The following MYBPC1 variants were observed in gnomAD, a reference collection of about 807,000 sequenced individuals.
MYBPC1 encodes the protein myosin binding protein C1.
Under a neutral mutation model 147.1 loss-of-function variants are expected in MYBPC1, and 52 were observed. The ratio of observed to expected loss-of-function variants is 0.35; its 90% CI spans 0.28 to 0.45. The LOEUF (loss-of-function observed/expected upper bound fraction) is 0.45, where lower values mean the gene tolerates loss of function less well. MYBPC1 is among the 20% of genes least tolerant of loss of function. The pLI is 1.00. For synonymous variants in MYBPC1, 477 were observed against 475.9 expected (o/e 1.00, Z -0.03); for missense variants, 1,228 against 1,440.3 (o/e 0.85, Z 2.39).
At chr12:101,600,113 C>T (rs963141838) in intron 1 of MYBPC1, among the ~76,000 whole-genome samples, 3 of 152,158 alleles carry the variant, frequency 2.0e-5, no homozygotes, top group Non-Finnish European at 4.4e-5. Context: ...TAAAGAAATT[C>T]CCTCTTGTTC....
rs1270908468 is a variant in MYBPC1 at position 101,609,380 on chromosome 12, C to T, written c.26-5116C>T. Reference sequence around the variant, plus strand: ...AATCTTGACTCACTGCAGCCTCCACCTCCTGGGCTTAAGTGATCCTCCCAC... The same window carrying T: ...AATCTTGACTCACTGCAGCCTCCACTTCCTGGGCTTAAGTGATCCTCCCAC... On this transcript the variant is annotated intron_variant, in intron 1 of 31. Transcript: ENST00000361466. 2.6e-5 allele frequency among the ~76,000 whole-genome samples: 4 copies of T among 152,046 alleles called. No individual in the cohort carries two copies. The East Asian group carries it at 7.7e-4, about 29-fold the overall frequency.
intron 3 of MYBPC1, among the ~76,000 whole-genome samples, chr12:101,622,076 G>C (rs1887553212): frequency 1.3e-5 from 2 of 152,142 alleles, no homozygotes; most frequent in Admixed American, 1.3e-4. Context: ...TGGTTTCCCT[G>C]TATGTCATAT....
intron 1 of MYBPC1, among the ~76,000 whole-genome samples, chr12:101,605,576 A>T (rs1263785921): frequency 6.6e-6 from 1 of 152,186 alleles, no homozygotes; most frequent in African/African-American, 2.4e-5. Flanking sequence ...AAAAATTAAA[A>T]TTGGTTGGGC....
At position 101,662,438 on chromosome 12, in the gene MYBPC1, G is replaced by A. The variant is rs1565980420; in HGVS notation, c.2113G>A (p.Glu705Lys). 3.1e-6 allele frequency: 5 copies of A among 1,614,110 alleles called. No homozygotes were observed. Among genetic ancestry groups the A allele is most frequent in the Middle Eastern group, 1.6e-4 (1 of 6,084 alleles). The change falls in exon 21 of 32, where the codon GAG becomes AAG. Residue 705 changes from glutamate to lysine, a missense_variant. Transcript: ENST00000361466. Reference protein sequence around the residue: ...NFDLCKETTFEPKKMIEGVAY... With the variant: ...NFDLCKETTFKPKKMIEGVAY... ...TGATCTCTGCAAAGAAACAACTTTT[G>A]AGCCCAAGAAGATGATTGAAGGTGT...
At chr12:101,642,332 A>T (rs1420889440) in intron 10 of MYBPC1, 87 bp from the exon 11 acceptor site, 10 of 1,405,738 alleles carry the variant, frequency 7.1e-6, no homozygotes, top group African/African-American at 4.2e-5. Context: ...TTTACACTGA[A>T]CTGAAAAAGC....
intron 3 of MYBPC1, 148 bp from the exon 4 acceptor site, chr12:101,626,724 T>C: frequency 2.7e-6 from 2 of 735,718 alleles, no homozygotes; most frequent in Non-Finnish European, 4.8e-6. Flanking sequence ...CAGGTTTCAC[T>C]TTTCAGGTAC....
intron 1 of MYBPC1, among the ~76,000 whole-genome samples, chr12:101,604,156 A>G (rs1362271051): frequency 1.3e-5 from 2 of 152,168 alleles, no homozygotes; most frequent in African/African-American, 2.4e-5. Flanking sequence ...GATCTTAGCA[A>G]TTTTCCCCCA....
chr12:101,641,828 A>ATTT (rs62676162), intron 10 of MYBPC1, among the ~76,000 whole-genome samples: 5,938 of 149,810 alleles, frequency 0.04, 185 homozygotes, highest in South Asian at 0.14. Flanking sequence ...GGCAGTTTCA[A>ATTT]TTTTTTTTTT....
chr12:101,611,582 A>G (rs1024417097), intron 1 of MYBPC1, among the ~76,000 whole-genome samples: 3 of 152,192 alleles, frequency 2.0e-5, no homozygotes, highest in Non-Finnish European at 4.4e-5. Context: ...TCAATTCTCT[A>G]TGCATTTAAT....
At chr12:101,667,200 C>A (rs1004854708) in intron 22 of MYBPC1, among the ~76,000 whole-genome samples, 3 of 152,168 alleles carry the variant, frequency 2.0e-5, no homozygotes, top group Non-Finnish European at 4.4e-5. Context: ...GTGAAATAAG[C>A]TTTTTCTCTT....
chr12:101,667,698 C>A (rs1244290470), intron 22 of MYBPC1, 34 bp from the exon 23 acceptor site: 2 of 1,612,542 alleles, frequency 1.2e-6, no homozygotes, highest in Non-Finnish European at 1.7e-6. Flanking sequence ...AAACAGCATT[C>A]CTCCTTCTTT....
Position 101,665,544 on chromosome 12 carries a change from C to A in MYBPC1, c.2356+1984C>A, listed in dbSNP as rs575461846. 2.6e-5 allele frequency among the ~76,000 whole-genome samples: 4 copies of A among 152,158 alleles called. No homozygotes were observed. The East Asian group carries it at 5.8e-4, about 22-fold the overall frequency. On this transcript the variant is annotated intron_variant, in intron 22 of 31. Coordinates refer to ENST00000361466, the MANE Select transcript of MYBPC1 (RefSeq NM_002465.4). ...TTTACTCTTCTTTGTTTTCTTTCTG[C>A]ACTCTAGTTTTTTCTTTCCTTTCTT...
chr12:101,668,119 T>C (rs1270518486), intron 23 of MYBPC1, among the ~76,000 whole-genome samples: 1 of 152,130 alleles, frequency 6.6e-6, no homozygotes, highest in Non-Finnish European at 1.5e-5. Flanking sequence ...TGAGGACCAG[T>C]TAGTTAACCT....
In MYBPC1 at chr12:101,685,719, C is replaced by A; in HGVS notation, c.*157C>A. 1 of 1,386,186 alleles carries A rather than the reference C, an allele frequency of 7.2e-7. No individual in the cohort carries two copies. Among genetic ancestry groups the A allele is most frequent in the Non-Finnish European group, 9.8e-7 (1 of 1,024,352 alleles). 85.9% of individuals were successfully genotyped at this position (1,386,186 alleles called of 1,614,324 possible). A position where few individuals can be genotyped will look rare whatever the true frequency, so the allele number is the denominator to read the frequency against. ...GCTACTGTCTCTCTGCACTCTGCTG[C>A]TTTGAAATCTGGTTGAAATGAGAAA... On this transcript the variant is annotated 3_prime_UTR_variant, in exon 32 of 32. Transcript: ENST00000361466.
chr12:101,680,417 A>C lies in MYBPC1; in HGVS notation c.3321A>C (p.Gly1107=). 6.2e-7 allele frequency: 1 copy of C among 1,614,078 alleles called. No homozygotes were observed. The highest frequency in any genetic ancestry group is 8.5e-7 in the Non-Finnish European group (1 of 1,179,966). Residue 1107 remains glycine (G), a synonymous_variant, in exon 29 of 32, where the codon GGA becomes GGC. Coordinates refer to ENST00000361466, the MANE Select transcript of MYBPC1 (RefSeq NM_002465.4). ...GATACAGGATGTTCAGCAACCAGGG[A>C]GTCTGTACCCTGGAAATTCGCAAGC... is the stretch of plus-strand genomic sequence containing the variant. ...DPRYRMFSNQ[G]VCTLEIRKPS...
chr12:101,665,428 G>T lies in MYBPC1; in HGVS notation c.2356+1868G>T, dbSNP rs193113857. 3.3e-5 allele frequency among the ~76,000 whole-genome samples: 5 copies of T among 152,214 alleles called. No individual in the cohort carries two copies. The East Asian group carries it at 9.6e-4, about 29-fold the overall frequency. On this transcript the variant is annotated intron_variant, in intron 22 of 31. Coordinates refer to ENST00000361466, the MANE Select transcript of MYBPC1 (RefSeq NM_002465.4). ...AGACATCAGGTTTTATTCTGTAAGA[G>T]AATTCTTTGTTTTGTAAGATCGTGT...
intron 1 of MYBPC1, among the ~76,000 whole-genome samples, chr12:101,595,628 C>T (rs1483109705): frequency 6.6e-6 from 1 of 151,516 alleles, no homozygotes. Flanking sequence ...CTTATCAGTG[C>T]CTTTGGAGGT....
intron 23 of MYBPC1, chr12:101,669,951 A>AAAAAAACTAT: frequency 5.8e-6 from 2 of 343,372 alleles, no homozygotes; most frequent in Non-Finnish European, 1.1e-5. Flanking sequence ...AAAAAAAAAA[A>AAAAAAACTAT]GAAACTATGA....
chr12:101,671,579 C>G (rs1476751516), intron 24 of MYBPC1, among the ~76,000 whole-genome samples: 1 of 152,198 alleles, frequency 6.6e-6, no homozygotes, highest in East Asian at 1.9e-4. Flanking sequence ...TGGCAAGGTT[C>G]TTCTCACTTT....
Sources: gnomAD v4.1 joint callset for allele counts (sites outside exome capture counted in the v4.1 genomes callset) on GRCh38, gnomAD v4.1.1 for gene constraint, MANE v1.5 for transcripts, NCBI Gene and HGNC (gene_info 2026-07-23, HGNC 2026-07-21) for gene names.